The following CELF4 variants were observed in gnomAD, a reference collection of about 807,000 sequenced individuals.
CELF4 encodes the protein CUGBP Elav-like family member 4, also known as CUG-BP- and ETR-3-like factor 4.
In CELF4, 18 loss-of-function variants were observed where a neutral mutation model predicts 59.9. The ratio of observed to expected loss-of-function variants is 0.30; its 90% CI spans 0.21 to 0.45. The LOEUF is 0.45. Ranked by LOEUF, CELF4 falls within the 20% of genes least tolerant of loss-of-function variation. The pLI is 1.00. For synonymous variants in CELF4, 261 were observed against 267.1 expected (o/e 0.98, Z 0.22); for missense variants, 456 against 689.0 (o/e 0.66, Z 3.79).
intron 2 of CELF4, among the ~76,000 whole-genome samples, chr18:37,334,072 T>G (rs898540964): frequency 6.6e-6 from 1 of 152,170 alleles, no homozygotes; most frequent in Non-Finnish European, 1.5e-5. Context: ...TTACCTCTGA[T>G]GTGTGGCTCT....
At chr18:37,351,852 G>A (rs574459362) in intron 2 of CELF4, among the ~76,000 whole-genome samples, 4 of 152,130 alleles carry the variant, frequency 2.6e-5, no homozygotes, top group Admixed American at 2.0e-4. Flanking sequence ...GGGGCCTCAA[G>A]TGATCTGCCC....
chr18:37,370,571 G>A (rs984785023), intron 2 of CELF4, among the ~76,000 whole-genome samples: 5 of 152,146 alleles, frequency 3.3e-5, no homozygotes, highest in Non-Finnish European at 7.3e-5. Context: ...CTAACCCCAC[G>A]AGAGTGGCCA....
At chr18:37,541,509 T>TA (rs1219609496) in intron 1 of CELF4, among the ~76,000 whole-genome samples, 2 of 152,250 alleles carry the variant, frequency 1.3e-5, no homozygotes, top group East Asian at 3.9e-4. Context: ...TGCTCTCCTA[T>TA]AGCAGCTGGC....
intron 2 of CELF4, among the ~76,000 whole-genome samples, chr18:37,382,266 G>A (rs1298971963): frequency 6.6e-6 from 1 of 152,200 alleles, no homozygotes; most frequent in Non-Finnish European, 1.5e-5. Flanking sequence ...GGCCCACAGA[G>A]CTGGCATCAG....
intron 3 of CELF4, among the ~76,000 whole-genome samples, chr18:37,295,567 A>G (rs990872942): frequency 2.0e-5 from 3 of 152,218 alleles, no homozygotes; most frequent in African/African-American, 7.2e-5. Context: ...GACAACTTCT[A>G]TTTTTGGAAC....
intron 1 of CELF4, among the ~76,000 whole-genome samples, chr18:37,560,250 G>A (rs1336608442): frequency 2.6e-5 from 4 of 152,206 alleles, no homozygotes; most frequent in African/African-American, 7.2e-5. Context: ...AAACATATAC[G>A]TGCATATGTG....
At chr18:37,256,744 C>T (rs1398165257) in intron 11 of CELF4, among the ~76,000 whole-genome samples, 1 of 152,106 alleles carries the variant, frequency 6.6e-6, no homozygotes, top group Non-Finnish European at 1.5e-5. Flanking sequence ...ACCACCACAT[C>T]CAGCTAATTT....
intron 2 of CELF4, among the ~76,000 whole-genome samples, chr18:37,465,155 G>A (rs2099804498): frequency 6.6e-6 from 1 of 152,156 alleles, no homozygotes. Context: ...TTTGCATGGA[G>A]GCCTGCAATC....
intron 6 of CELF4, 135 bp downstream of exon 6, chr18:37,274,176 G>C (rs773776677): frequency 1.0e-5 from 15 of 1,496,944 alleles, no homozygotes; most frequent in Non-Finnish European, 1.3e-5. Context: ...AGGTTCATGG[G>C]TTCATTCCCG....
chr18:37,498,760 C>A (rs2000697), intron 1 of CELF4, among the ~76,000 whole-genome samples: 55,835 of 151,662 alleles, frequency 0.37, 10,741 homozygotes, highest in East Asian at 0.55. Context: ...GTCTGGAGTT[C>A]CGGGAGAGGG....
intron 1 of CELF4, among the ~76,000 whole-genome samples, chr18:37,556,946 C>T (rs1057083773): frequency 1.3e-5 from 2 of 152,160 alleles, no homozygotes; most frequent in African/African-American, 4.8e-5. Context: ...GCTCCTGTCA[C>T]ATCTTAAGAA....
intron 2 of CELF4, among the ~76,000 whole-genome samples, chr18:37,450,945 T>C (rs971174822): frequency 1.3e-5 from 2 of 152,194 alleles, no homozygotes; most frequent in African/African-American, 2.4e-5. Context: ...ACTTCACTTG[T>C]GGACCTGCCA....
chr18:37,521,480 C>T (rs1307969484), intron 1 of CELF4, among the ~76,000 whole-genome samples: 5 of 152,140 alleles, frequency 3.3e-5, no homozygotes, highest in South Asian at 2.1e-4. Context: ...ATCTACAATG[C>T]GGTCTTATAA....
At chr18:37,531,751 T>C (rs1200360532) in intron 1 of CELF4, among the ~76,000 whole-genome samples, 2 of 152,086 alleles carry the variant, frequency 1.3e-5, no homozygotes, top group Non-Finnish European at 2.9e-5. Flanking sequence ...CGTTCCATCA[T>C]GGTTTTCAGG....
chr18:37,393,851 C>T (rs1278752583), intron 2 of CELF4, among the ~76,000 whole-genome samples: 1 of 146,240 alleles, frequency 6.8e-6, no homozygotes, highest in Non-Finnish European at 1.5e-5. Flanking sequence ...TATTCCTTTA[C>T]GCGGCTTTTT....
At chr18:37,310,721 G>A (rs144131208) in intron 3 of CELF4, among the ~76,000 whole-genome samples, 74 of 152,294 alleles carry the variant, frequency 4.9e-4, no homozygotes, top group African/African-American at 1.4e-3. Context: ...GCGGTGTGCC[G>A]GGGCCAGGGG....
At chr18:37,558,829 G>A (rs1339820339) in intron 1 of CELF4, among the ~76,000 whole-genome samples, 1 of 151,602 alleles carries the variant, frequency 6.6e-6, no homozygotes, top group Non-Finnish European at 1.5e-5. Context: ...GTGTGTGTGT[G>A]TGTGTACACT....
intron 1 of CELF4, among the ~76,000 whole-genome samples, chr18:37,538,245 T>A (rs555806000): frequency 2.8e-4 from 42 of 152,186 alleles, no homozygotes; most frequent in Admixed American, 1.8e-3. Flanking sequence ...CCTTTTTCCT[T>A]GTCTCTCCAT....
At chr18:37,285,871 G>A (rs2094697718) in intron 3 of CELF4, among the ~76,000 whole-genome samples, 2 of 152,176 alleles carry the variant, frequency 1.3e-5, no homozygotes, top group South Asian at 2.1e-4. Context: ...CACGGCACAC[G>A]ATAGACGGCC....
Sources: allele counts gnomAD v4.1 joint callset (sites outside exome capture counted in the v4.1 genomes callset), GRCh38; gene constraint gnomAD v4.1.1; transcripts MANE v1.5; gene names NCBI Gene and HGNC (gene_info 2026-07-23, HGNC 2026-07-21).